Variants in CYP7B1 observed in about 807,000 individuals in gnomAD.
The protein encoded by CYP7B1 is cytochrome P450 7B1.
Under a neutral mutation model 42.7 loss-of-function variants are expected in CYP7B1, and 29 were observed. That is an observed-to-expected ratio of 0.68 (90% CI 0.51 to 0.93). The LOEUF is 0.93. CYP7B1 is among the 40% of genes least tolerant of loss of function. The pLI is 0.00. For missense variants in CYP7B1, 655 were observed against 600.5 expected, an observed-to-expected ratio of 1.09 and a Z score of -0.95; for synonymous variants, 235 against 218.2, an observed-to-expected ratio of 1.08 and a Z score of -0.68.
intron 1 of CYP7B1, among the ~76,000 whole-genome samples, chr8:64,697,390 A>G (rs1008316170): frequency 1.4e-5 from 2 of 138,254 alleles, no homozygotes; most frequent in African/African-American, 6.3e-5. Context: ...AAAATGTGTA[A>G]GCCCCCCTCC....
chr8:64,596,629 C>T lies in CYP7B1; in HGVS notation c.*13G>A, dbSNP rs1563536807. ...TAATTTTGATAGATTTATTTTCTTTCCTTTTAGCTTCTCTAAGATTTCACT... is the reference window on the plus strand; with the variant it reads ...TAATTTTGATAGATTTATTTTCTTTTCTTTTAGCTTCTCTAAGATTTCACT... On this transcript the variant is annotated 3_prime_UTR_variant, in exon 6 of 6. Transcript: ENST00000310193. 1 of 1,603,288 alleles carries T rather than the reference C, an allele frequency of 6.2e-7. No homozygotes were observed. Among genetic ancestry groups the T allele is most frequent in the Non-Finnish European group, 8.5e-7 (1 of 1,172,826 alleles).
chr8:64,784,590 A>T (rs1804490900), intron 1 of CYP7B1, among the ~76,000 whole-genome samples: 1 of 152,176 alleles, frequency 6.6e-6, no homozygotes, highest in African/African-American at 2.4e-5. Context: ...TCATGGTTCA[A>T]AAAAATTAAA....
At chr8:64,666,107 T>G (rs1217729201) in intron 1 of CYP7B1, among the ~76,000 whole-genome samples, 1 of 152,218 alleles carries the variant, frequency 6.6e-6, no homozygotes, top group Non-Finnish European at 1.5e-5. Context: ...GGCACTATGG[T>G]TAATTTTCTT....
rs1804750519 is a variant in CYP7B1, at chr8:64,798,576, T to C, written c.12A>G (p.Glu4=). 12 of 1,475,270 alleles carry C rather than the reference T, an allele frequency of 8.1e-6. No homozygotes were observed. Among genetic ancestry groups the C allele is most frequent in the South Asian group, 5.2e-5 (4 of 77,300 alleles). 91.4% of individuals were successfully genotyped at this position (1,475,270 alleles called of 1,614,324 possible). Residue 4 remains glutamate (E), a synonymous_variant, in exon 1 of 6, where the codon GAA becomes GAG. Transcript: ENST00000310193. Reference sequence around the variant, plus strand: ...AAAAGCGGCCCGTGGCCGCGGACACTTCTCCTGCCATCCGGCGCGCGCTAG... The same window carrying C: ...AAAAGCGGCCCGTGGCCGCGGACACCTCTCCTGCCATCCGGCGCGCGCTAG... The part of the protein sequence containing the change: MAG[E]VSAATGRFSL...
chr8:64,616,954 C>G (rs1013881582), intron 2 of CYP7B1, among the ~76,000 whole-genome samples: 1 of 152,162 alleles, frequency 6.6e-6, no homozygotes, highest in Non-Finnish European at 1.5e-5. Context: ...AAGTCATTCA[C>G]CATTCACCAC....
At chr8:64,684,472 C>T (rs1333923631) in intron 1 of CYP7B1, among the ~76,000 whole-genome samples, 1 of 152,172 alleles carries the variant, frequency 6.6e-6, no homozygotes, top group East Asian at 1.9e-4. Flanking sequence ...CCCTGTATCA[C>T]GCTTTGTTAA....
chr8:64,614,821 C>T (rs191111691), intron 4 of CYP7B1, among the ~76,000 whole-genome samples: 2 of 152,232 alleles, frequency 1.3e-5, no homozygotes, highest in Non-Finnish European at 2.9e-5. Context: ...GCATACCTTG[C>T]ACAGTTAATT....
intron 1 of CYP7B1, among the ~76,000 whole-genome samples, chr8:64,788,188 T>C (rs1034588829): frequency 6.6e-6 from 1 of 152,186 alleles, no homozygotes; most frequent in Non-Finnish European, 1.5e-5. Flanking sequence ...TAGTTAACAA[T>C]GATGTATCAA....
chr8:64,791,707 C>A (rs576381744), intron 1 of CYP7B1, among the ~76,000 whole-genome samples: 1 of 152,290 alleles, frequency 6.6e-6, no homozygotes, highest in South Asian at 2.1e-4. Context: ...TTGTTTTAAG[C>A]CACTAAATTA....
intron 1 of CYP7B1, among the ~76,000 whole-genome samples, chr8:64,648,687 G>T (rs373800939): frequency 2.0e-5 from 3 of 152,256 alleles, no homozygotes; most frequent in African/African-American, 7.2e-5. Flanking sequence ...GTATTTCCTT[G>T]TGATGATAAT....
chr8:64,605,488 C>A (rs1805265732), intron 4 of CYP7B1, among the ~76,000 whole-genome samples: 1 of 152,148 alleles, frequency 6.6e-6, no homozygotes, highest in South Asian at 2.1e-4. Context: ...CTGGAAGATT[C>A]CAGAAGCCTA....
At chr8:64,761,524 T>C (rs925614967) in intron 1 of CYP7B1, among the ~76,000 whole-genome samples, 3 of 152,144 alleles carry the variant, frequency 2.0e-5, no homozygotes, top group African/African-American at 7.2e-5. Context: ...TGAACACTCA[T>C]TTCCTCAAAG....
intron 1 of CYP7B1, among the ~76,000 whole-genome samples, chr8:64,683,973 G>C (rs1477942814): frequency 6.6e-6 from 1 of 151,980 alleles, no homozygotes; most frequent in Admixed American, 6.6e-5. Context: ...CTGACTCCCT[G>C]TCTGCACACT....
At chr8:64,789,836 C>T (rs182976632) in intron 1 of CYP7B1, among the ~76,000 whole-genome samples, 4 of 152,346 alleles carry the variant, frequency 2.6e-5, no homozygotes, top group Admixed American at 1.3e-4. Flanking sequence ...AATAAATCCA[C>T]ATCTCCATCT....
chr8:64,665,442 A>T lies in CYP7B1; in HGVS notation c.123-40903T>A, dbSNP rs137870336. The stretch of plus-strand genomic sequence containing the variant: ...GGAGGAGTGCATTCAAAGAAAGGAG[A>T]ATGTCAACACTTAACGAGCTACATA... On this transcript the variant is annotated intron_variant, in intron 1 of 5. Transcript: ENST00000310193. Among the ~76,000 whole-genome samples the T allele has an allele frequency of 1.4e-4, 22 of 151,958 alleles. No individual in the cohort carries two copies. The East Asian group carries it at 4.1e-3, about 28-fold the overall frequency.
intron 1 of CYP7B1, among the ~76,000 whole-genome samples, chr8:64,699,644 A>G (rs1468246773): frequency 1.3e-5 from 2 of 152,104 alleles, no homozygotes; most frequent in Non-Finnish European, 2.9e-5. Context: ...ATTCTTCTAC[A>G]ATCAGTTTTG....
chr8:64,749,332 C>T (rs1464192868), intron 1 of CYP7B1, among the ~76,000 whole-genome samples: 4 of 152,088 alleles, frequency 2.6e-5, no homozygotes, highest in Admixed American at 1.3e-4. Flanking sequence ...CCACTCGCCT[C>T]GGCTTTCCAA....
intron 1 of CYP7B1, among the ~76,000 whole-genome samples, chr8:64,690,643 C>T (rs551582299): frequency 3.3e-5 from 5 of 152,168 alleles, no homozygotes; most frequent in Admixed American, 1.3e-4. Context: ...CCAGCATTTT[C>T]AGTAGTATAT....
At chr8:64,794,928 T>C (rs1189578923) in intron 1 of CYP7B1, among the ~76,000 whole-genome samples, 1 of 152,084 alleles carries the variant, frequency 6.6e-6, no homozygotes, top group East Asian at 1.9e-4. Flanking sequence ...AGATAGTGCT[T>C]CCAATCAATA....
Sources: gnomAD v4.1 joint callset for allele counts (sites outside exome capture counted in the v4.1 genomes callset) on GRCh38, gnomAD v4.1.1 for gene constraint, MANE v1.5 for transcripts, NCBI Gene and HGNC (gene_info 2026-07-23, HGNC 2026-07-21) for gene names.